The following SUN1 variants were observed in gnomAD, a reference collection of about 807,000 sequenced individuals.
SUN1 encodes Sad1 and UNC84 domain containing 1, also known as SUN domain-containing protein 1.
A neutral mutation model predicts 103.2 loss-of-function variants in SUN1; 61 were observed. The ratio of observed to expected loss-of-function variants is 0.59; its 90% confidence interval spans 0.48 to 0.73. The LOEUF is 0.73. Among genes scored for constraint, SUN1 ranks in the 30% least tolerant of loss-of-function variants. The pLI is 0.00. For synonymous variants in SUN1, 490 were observed against 425.7 expected, an observed-to-expected ratio of 1.15 and a Z score of -1.86; for missense variants, 1,052 against 1,034.6, an observed-to-expected ratio of 1.02 and a Z score of -0.23.
chr7:815,981 C>T, upstream of SUN1: 1 of 204,294 alleles, frequency 4.9e-6, no homozygotes, highest in Non-Finnish European at 1.1e-5. Flanking sequence ...GCTGCCCCTC[C>T]CCCAAGACGC....
upstream of SUN1, among the ~76,000 whole-genome samples, chr7:827,482 T>TTG (rs1163455093): frequency 3.3e-5 from 5 of 150,824 alleles, no homozygotes; most frequent in East Asian, 5.8e-4. Flanking sequence ...TTTTTTTTTT[T>TTG]TTTTTGAGAT....
chr7:849,065 C>A (rs557790155), intron 5 of SUN1, among the ~76,000 whole-genome samples: 74 of 152,312 alleles, frequency 4.9e-4, no homozygotes, highest in African/African-American at 1.7e-3. Flanking sequence ...GATTCTCCTG[C>A]CTCAGCCTCC....
chr7:841,872 TG>T lies in SUN1; in HGVS notation c.267-73del, dbSNP rs1393142484. ...GCTGTTTATTCCCAGATTAAGAGTT[TG>T]TGTTGGTCAAATGTAATCATTTTGT... is the stretch of plus-strand genomic sequence containing the variant. On this transcript the variant is annotated intron_variant, in intron 2 of 18. Coordinates refer to ENST00000401592, the MANE Select transcript of SUN1 (RefSeq NM_001130965.3). The T allele has an allele frequency of 4.7e-6, 7 of 1,488,908 alleles. No homozygotes were observed. The East Asian group carries it at 1.6e-4, about 35-fold the overall frequency. The allele number at this position is 1,488,908 out of a possible 1,614,324, so 92.2% of individuals were successfully genotyped here. A position where few individuals can be genotyped will look rare whatever the true frequency, so the allele number is the denominator to read the frequency against.
intron 6 of SUN1, 30 bp downstream of exon 6, chr7:851,512 C>T (rs750460252): frequency 1.9e-6 from 3 of 1,557,020 alleles, no homozygotes; most frequent in South Asian, 1.2e-5. Context: ...GTGTTGCGTT[C>T]TCTCCAGAGC....
chr7:838,215 G>A (rs949963466), intron 1 of SUN1, among the ~76,000 whole-genome samples: 1 of 152,202 alleles, frequency 6.6e-6, no homozygotes, highest in Non-Finnish European at 1.5e-5. Flanking sequence ...ACTGTGCCTG[G>A]CTCATCTTTT....
At chr7:822,025 C>T (rs147295707) in intron 1 of SUN1, among the ~76,000 whole-genome samples, 3 of 152,232 alleles carry the variant, frequency 2.0e-5, no homozygotes, top group South Asian at 4.1e-4. Flanking sequence ...ATGTGGAGCT[C>T]GTTGCTATTT....
At chr7:866,455 C>A (rs916273174) in intron 16 of SUN1, among the ~76,000 whole-genome samples, 5 of 152,078 alleles carry the variant, frequency 3.3e-5, no homozygotes, top group African/African-American at 1.2e-4. Context: ...GGTGGGGAGG[C>A]CCTAGCTGTC....
intron 17 of SUN1, among the ~76,000 whole-genome samples, chr7:871,696 T>C (rs1177409906): frequency 2.6e-5 from 4 of 152,198 alleles, no homozygotes; most frequent in Non-Finnish European, 4.4e-5. Context: ...CCCCGTATTT[T>C]TATTTCACTG....
intron 2 of SUN1, 131 bp downstream of exon 2, chr7:839,117 A>G: frequency 2.2e-6 from 2 of 897,560 alleles, no homozygotes; most frequent in Non-Finnish European, 3.1e-6. Flanking sequence ...GCGTGTACAG[A>G]CACACAAACC....
chr7:850,718 G>C (rs561119568), intron 5 of SUN1: 1 of 148,004 alleles, frequency 6.8e-6, no homozygotes, highest in African/African-American at 2.5e-5. Flanking sequence ...CTTGAGGCCG[G>C]GAGTTCAAGA....
chr7:869,247 A>G (rs1020030742), intron 16 of SUN1, 102 bp from the exon 17 acceptor site: 2 of 1,431,938 alleles, frequency 1.4e-6, no homozygotes, highest in African/African-American at 2.9e-5. Context: ...CTACCATGTA[A>G]AACTTATTTT....
chr7:852,203 C>G (rs1248584652), intron 7 of SUN1, 160 bp downstream of exon 7: 22 of 683,268 alleles, frequency 3.2e-5, no homozygotes, highest in Non-Finnish European at 4.9e-5. Context: ...TTTTTCAAAC[C>G]AACCTGTGAG....
chr7:828,480 C>T (rs575875681), upstream of SUN1, among the ~76,000 whole-genome samples: 97 of 152,150 alleles, frequency 6.4e-4, no homozygotes, highest in Non-Finnish European at 1.1e-3. Context: ...CCATGTTGGC[C>T]CCGCTGGCCT....
intron 1 of SUN1, chr7:816,848 C>T (rs928962328): frequency 1.3e-5 from 2 of 150,034 alleles, no homozygotes; most frequent in East Asian, 3.9e-4. Flanking sequence ...GTCCCGCGCC[C>T]CGCAGCTACC....
At chr7:856,292 T>C in intron 11 of SUN1, 66 bp from the exon 12 acceptor site, 2 of 1,503,876 alleles carry the variant, frequency 1.3e-6, no homozygotes, top group African/African-American at 1.4e-5. Flanking sequence ...GTTTTAAGTA[T>C]GTGGTTTTAT....
intron 15 of SUN1, 119 bp from the exon 16 acceptor site, chr7:865,833 T>G: frequency 1.3e-6 from 1 of 756,854 alleles, no homozygotes; most frequent in Non-Finnish European, 2.3e-6. Context: ...TTTCTCTGAA[T>G]ATCAGTGATG....
intron 1 of SUN1, 88 bp from the exon 2 acceptor site, chr7:838,710 A>G (rs771870873): frequency 3.8e-5 from 50 of 1,325,134 alleles, no homozygotes; most frequent in Non-Finnish European, 4.9e-5. Context: ...TCCACAGTAC[A>G]TTGCACTTTC....
intron 5 of SUN1, among the ~76,000 whole-genome samples, chr7:849,117 A>G (rs1217980701): frequency 6.6e-6 from 1 of 152,086 alleles, no homozygotes; most frequent in Non-Finnish European, 1.5e-5. Flanking sequence ...ACGCCCGGCT[A>G]ATTTTTTGCA....
chr7:844,813 C>G (rs1264291245), intron 5 of SUN1, among the ~76,000 whole-genome samples: 1 of 152,084 alleles, frequency 6.6e-6, no homozygotes, highest in Non-Finnish European at 1.5e-5. Context: ...TCAGGAGGCT[C>G]GCAGGTAGGT....
Sources: allele counts gnomAD v4.1 joint callset (sites outside exome capture counted in the v4.1 genomes callset), GRCh38; gene constraint gnomAD v4.1.1; transcripts MANE v1.5; gene names NCBI Gene and HGNC (gene_info 2026-07-23, HGNC 2026-07-21).